The following CADM2 variants were observed in gnomAD, a reference collection of about 807,000 sequenced individuals.
CADM2 encodes the protein immunoglobulin superfamily member 4D.
A neutral mutation model predicts 49.8 loss-of-function variants in CADM2; 12 were observed. That is an observed-to-expected ratio of 0.24 (90% CI 0.15 to 0.39). The LOEUF is 0.39. Among genes scored for constraint, CADM2 ranks in the 10% least tolerant of loss-of-function variants. The probability of loss-of-function intolerance (pLI) is 1.00; values close to 1 mark genes in which losing one functional copy is unlikely to be tolerated. For missense variants in CADM2, 378 were observed against 492.3 expected (o/e 0.77, Z 2.20); for synonymous variants, 214 against 175.4 (o/e 1.22, Z -1.74).
At chr3:85,926,826 A>G (rs1719942809) in intron 6 of CADM2, among the ~76,000 whole-genome samples, 1 of 152,224 alleles carries the variant, frequency 6.6e-6, no homozygotes, top group African/African-American at 2.4e-5. Flanking sequence ...TATAGAGCCA[A>G]AGCCTTGGGC....
At chr3:85,476,661 C>T (rs1228158293) in intron 1 of CADM2, among the ~76,000 whole-genome samples, 6 of 151,744 alleles carry the variant, frequency 4.0e-5, no homozygotes, top group Admixed American at 2.0e-4. Flanking sequence ...AAAGTCTATC[C>T]CTTCATTTTT....
rs564753808 is a variant in CADM2, at chr3:85,688,506, G to A, written c.62-38016G>A. Among the ~76,000 whole-genome samples the A allele has an allele frequency of 3.3e-5, 5 of 151,870 alleles. No individual in the cohort carries two copies. The East Asian group carries it at 9.8e-4, about 30-fold the overall frequency. On this transcript the variant is annotated intron_variant, in intron 1 of 9. Transcript: ENST00000383699. The stretch of plus-strand genomic sequence containing the variant: ...ACTGGAATTCTCATGCACCACCACT[G>A]AGAATGCAAAATGCTATAACCACCT...
At chr3:85,267,638 G>T (rs568976714) in intron 1 of CADM2, among the ~76,000 whole-genome samples, 2 of 151,342 alleles carry the variant, frequency 1.3e-5, no homozygotes, top group African/African-American at 2.4e-5. Flanking sequence ...TGTTTTTCCA[G>T]CCCTTAGAGC....
chr3:86,002,522 C>T (rs1001724058), intron 8 of CADM2, among the ~76,000 whole-genome samples: 25 of 152,134 alleles, frequency 1.6e-4, no homozygotes, highest in African/African-American at 5.6e-4. Flanking sequence ...CATTCACCAA[C>T]TTAGAGATTA....
At position 85,543,420 on chromosome 3, in the gene CADM2, A is replaced by ATGTGTGTGGGGGGGTGTGTGTGTGTGTG. The variant is rs372108050; in HGVS notation, c.62-183094_62-183093insGGGGGGTGTGTGTGTGTGTGTGTGTGTG. The stretch of plus-strand genomic sequence containing the variant: ...CAGGCACCGCCACCATGCCAAGCTA[A>ATGTGTGTGGGGGGGTGTGTGTGTGTGTG]TGTGTGTGTGTGTGTGTGTGTGTGT... On this transcript the variant is annotated intron_variant, in intron 1 of 9. Coordinates refer to ENST00000383699, the MANE Select transcript of CADM2 (RefSeq NM_001167675.2). 1.5e-3 allele frequency among the ~76,000 whole-genome samples: 189 copies of ATGTGTGTGGGGGGGTGTGTGTGTGTGTG among 129,636 alleles called. 1 individual carries two copies. Among genetic ancestry groups the ATGTGTGTGGGGGGGTGTGTGTGTGTGTG allele is most frequent in the Admixed American group, 2.3e-3 (29 of 12,546 alleles). The allele number at this position is 129,636 out of a possible 152,430, so 85.0% of individuals were successfully genotyped here.
At chr3:85,564,541 T>G (rs2062198784) in intron 1 of CADM2, among the ~76,000 whole-genome samples, 1 of 152,116 alleles carries the variant, frequency 6.6e-6, no homozygotes, top group Admixed American at 6.6e-5. Flanking sequence ...AAATCTCTCT[T>G]TTACACTTTA....
intron 1 of CADM2, among the ~76,000 whole-genome samples, chr3:85,447,429 A>G (rs2037519987): frequency 6.6e-6 from 1 of 152,114 alleles, no homozygotes; most frequent in South Asian, 2.1e-4. Flanking sequence ...TCATTTGTTT[A>G]TAATTTAGTT....
intron 1 of CADM2, among the ~76,000 whole-genome samples, chr3:84,979,426 G>GTGCC (rs2032028217): frequency 6.6e-6 from 1 of 152,048 alleles, no homozygotes; most frequent in Admixed American, 6.6e-5. Context: ...AAAAATGTGT[G>GTGCC]TGCCTGTGTA....
chr3:84,977,750 C>T (rs921436778), intron 1 of CADM2, among the ~76,000 whole-genome samples: 4 of 151,980 alleles, frequency 2.6e-5, no homozygotes, highest in Non-Finnish European at 4.4e-5. Context: ...TTCTTAAAAA[C>T]AGAGAGCAAT....
At chr3:85,537,746 G>A (rs1300636877) in intron 1 of CADM2, among the ~76,000 whole-genome samples, 2 of 105,466 alleles carry the variant, frequency 1.9e-5, no homozygotes, top group African/African-American at 5.1e-5. Flanking sequence ...AGGACAATGG[G>A]ATTCTGTGGG....
chr3:85,688,069 C>T (rs899583146), intron 1 of CADM2, among the ~76,000 whole-genome samples: 1 of 152,080 alleles, frequency 6.6e-6, no homozygotes, highest in Admixed American at 6.5e-5. Context: ...AGCAACCCAC[C>T]CAATGTATGT....
intron 1 of CADM2, among the ~76,000 whole-genome samples, chr3:85,321,835 T>A (rs529699976): frequency 6.6e-6 from 1 of 152,338 alleles, no homozygotes; most frequent in Non-Finnish European, 1.5e-5. Context: ...CCTCATTGTA[T>A]GAATAGTATG....
chr3:85,651,417 G>A (rs1314043905), intron 1 of CADM2, among the ~76,000 whole-genome samples: 2 of 152,032 alleles, frequency 1.3e-5, no homozygotes, highest in East Asian at 1.9e-4. Flanking sequence ...TATAACAGTT[G>A]TTTTCCTTGT....
At chr3:85,927,878 T>G (rs370969979) in intron 6 of CADM2, among the ~76,000 whole-genome samples, 1 of 152,204 alleles carries the variant, frequency 6.6e-6, no homozygotes, top group African/African-American at 2.4e-5. Context: ...TCAAAGCTTC[T>G]TTTTATTTAT....
intron 1 of CADM2, among the ~76,000 whole-genome samples, chr3:85,437,768 C>G (rs1185422432): frequency 6.6e-6 from 1 of 151,958 alleles, no homozygotes; most frequent in East Asian, 1.9e-4. Context: ...ATGTTAGCCT[C>G]TCCATTTATT....
rs537635421 is a variant in CADM2, at chr3:86,067,011, T to C, written c.*228T>C. The C allele has an allele frequency of 5.1e-5, 26 of 513,474 alleles. No individual in the cohort carries two copies. The South Asian group carries it at 6.2e-4, about 12-fold the overall frequency. The allele number at this position is 513,474 out of a possible 1,614,324, so 31.8% of individuals were successfully genotyped here. A position where few individuals can be genotyped will look rare whatever the true frequency, so the allele number is the denominator to read the frequency against. ...TTCTTACTGCCTAAATTTCACACCA[T>C]TGCTCTTTTAACATACAGTGCTTGA... On this transcript the variant is annotated 3_prime_UTR_variant, in exon 10 of 10. Coordinates refer to ENST00000383699, the MANE Select transcript of CADM2 (RefSeq NM_001167675.2).
intron 5 of CADM2, among the ~76,000 whole-genome samples, chr3:85,902,561 T>C (rs1221550023): frequency 6.6e-6 from 1 of 151,738 alleles, no homozygotes; most frequent in African/African-American, 2.4e-5. Context: ...ATTACAATAA[T>C]TGATATAGGT....
At chr3:85,288,620 A>G (rs1249898300) in intron 1 of CADM2, among the ~76,000 whole-genome samples, 1 of 152,146 alleles carries the variant, frequency 6.6e-6, no homozygotes, top group Non-Finnish European at 1.5e-5. Flanking sequence ...CATGGTAGGA[A>G]AATGGGAGTT....
chr3:85,483,927 T>C (rs1285267437), intron 1 of CADM2, among the ~76,000 whole-genome samples: 2 of 151,744 alleles, frequency 1.3e-5, no homozygotes. Flanking sequence ...TTTCTAAGAA[T>C]TGAGTTACTA....
Sources: gnomAD v4.1 joint callset for allele counts (sites outside exome capture counted in the v4.1 genomes callset) on GRCh38, gnomAD v4.1.1 for gene constraint, MANE v1.5 for transcripts, NCBI Gene and HGNC (gene_info 2026-07-23, HGNC 2026-07-21) for gene names.